The following PTPRR variants were observed in gnomAD, a reference collection of about 807,000 sequenced individuals.
The protein encoded by PTPRR is receptor-type tyrosine-protein phosphatase R.
In PTPRR, 38 loss-of-function variants were observed where a neutral mutation model predicts 77.2. That is an observed-to-expected ratio of 0.49 (90% confidence interval 0.38 to 0.65). The LOEUF (loss-of-function observed/expected upper bound fraction) is 0.65, where lower values mean the gene tolerates loss of function less well. Ranked by LOEUF, PTPRR falls within the 30% of genes least tolerant of loss-of-function variation. The pLI, the probability that PTPRR is intolerant of heterozygous loss-of-function variation, is 0.00. For synonymous variants in PTPRR, 299 were observed against 283.1 expected (o/e 1.06, Z -0.57); for missense variants, 744 against 799.2 (o/e 0.93, Z 0.83).
At position 70,801,138 on chromosome 12, in the gene PTPRR, C is replaced by T. The variant is rs139902660; in HGVS notation, c.358-36360G>A. Among the ~76,000 whole-genome samples the T allele has an allele frequency of 4.0e-3, 613 of 152,264 alleles. 5 individuals are homozygous for T. The highest frequency in any genetic ancestry group is 0.014 in the African/African-American group (589 of 41,554). On this transcript the variant is annotated intron_variant, in intron 2 of 13. Transcript: ENST00000283228. ...AAAGATTTAGGTTATGACCCTGAATCTTCCTCTAATTGTACAAACTAGGCA... is the reference window on the plus strand; with the variant it reads ...AAAGATTTAGGTTATGACCCTGAATTTTCCTCTAATTGTACAAACTAGGCA...
intron 2 of PTPRR, among the ~76,000 whole-genome samples, chr12:70,818,572 G>C (rs1891948289): frequency 6.6e-6 from 1 of 152,120 alleles, no homozygotes; most frequent in Non-Finnish European, 1.5e-5. Flanking sequence ...TGTAGAATGA[G>C]GCTAATATGA....
intron 8 of PTPRR, 65 bp from the exon 9 acceptor site, chr12:70,684,848 C>T: frequency 2.6e-6 from 3 of 1,137,172 alleles, no homozygotes; most frequent in Admixed American, 2.2e-5. Flanking sequence ...CCTTAGAATG[C>T]CAATAACCAG....
intron 2 of PTPRR, among the ~76,000 whole-genome samples, chr12:70,846,684 G>T (rs892798100): frequency 5.3e-5 from 8 of 152,142 alleles, no homozygotes; most frequent in Admixed American, 3.9e-4. Flanking sequence ...CACCATTGAG[G>T]ATGCAAAGGG....
intron 1 of PTPRR, among the ~76,000 whole-genome samples, chr12:70,912,671 G>C (rs1445621106): frequency 6.6e-6 from 1 of 152,004 alleles, no homozygotes; most frequent in Non-Finnish European, 1.5e-5. Context: ...TATGAGGAAA[G>C]TTTATGCAGT....
chr12:70,745,247 T>C lies in PTPRR; in HGVS notation c.1007+571A>G, dbSNP rs551447467. Among the ~76,000 whole-genome samples the C allele has an allele frequency of 5.9e-5, 9 of 152,274 alleles. No individual in the cohort carries two copies. The South Asian group carries it at 1.9e-3, about 32-fold the overall frequency. ...ACCTGGCTATTGGCCAGGCTGGTCT[T>C]GAACTCCTGGCCTCAAGTGATCCAC... On this transcript the variant is annotated intron_variant, in intron 6 of 13. Coordinates refer to ENST00000283228, the MANE Select transcript of PTPRR (RefSeq NM_002849.4).
At chr12:70,909,884 CT>C (rs1893676021) in intron 1 of PTPRR, among the ~76,000 whole-genome samples, 1 of 152,032 alleles carries the variant, frequency 6.6e-6, no homozygotes, top group Non-Finnish European at 1.5e-5. Flanking sequence ...GGTTTTTTTT[CT>C]CTTATATACT....
chr12:70,741,922 C>T (rs1469358448), intron 6 of PTPRR, among the ~76,000 whole-genome samples: 1 of 152,032 alleles, frequency 6.6e-6, no homozygotes, highest in Non-Finnish European at 1.5e-5. Context: ...TTTTCCTATG[C>T]CTCCATTTGG....
At chr12:70,820,153 G>A (rs1347844108) in intron 2 of PTPRR, among the ~76,000 whole-genome samples, 2 of 152,088 alleles carry the variant, frequency 1.3e-5, no homozygotes, top group Admixed American at 6.5e-5. Context: ...ACAAGGCTTG[G>A]CATTTATAAT....
At chr12:70,683,371 CAG>C (rs1033719028) in intron 10 of PTPRR, among the ~76,000 whole-genome samples, 1 of 152,074 alleles carries the variant, frequency 6.6e-6, no homozygotes, top group Non-Finnish European at 1.5e-5. Flanking sequence ...ATGCAAAATA[CAG>C]AATAAGTATT....
chr12:70,753,616 T>A (rs879270541), intron 5 of PTPRR, among the ~76,000 whole-genome samples: 6 of 152,154 alleles, frequency 3.9e-5, no homozygotes, highest in Non-Finnish European at 8.8e-5. Context: ...CATTATTACT[T>A]ACAGAGCTAT....
chr12:70,666,022 T>C (rs975690864), intron 10 of PTPRR, among the ~76,000 whole-genome samples: 1 of 152,176 alleles, frequency 6.6e-6, no homozygotes, highest in Non-Finnish European at 1.5e-5. Flanking sequence ...GGTGCTCCGA[T>C]GGAATATTAC....
chr12:70,825,755 G>A (rs1892097101), intron 2 of PTPRR, among the ~76,000 whole-genome samples: 2 of 152,168 alleles, frequency 1.3e-5, no homozygotes. Context: ...CAGGAAGTGT[G>A]TCTTTACCAT....
intron 6 of PTPRR, among the ~76,000 whole-genome samples, chr12:70,719,254 C>G (rs1434956584): frequency 6.6e-6 from 1 of 152,234 alleles, no homozygotes; most frequent in East Asian, 1.9e-4. Context: ...AGCTTTCCCT[C>G]TTCTAATCAT....
At chr12:70,673,106 C>A (rs1566059219) in intron 10 of PTPRR, 1 of 942,330 alleles carries the variant, frequency 1.1e-6, no homozygotes, top group East Asian at 5.8e-5. Context: ...ACAATGACAT[C>A]CTTGGTCTTG....
chr12:70,738,432 T>G (rs1277364795), intron 6 of PTPRR, among the ~76,000 whole-genome samples: 1 of 152,218 alleles, frequency 6.6e-6, no homozygotes, highest in East Asian at 1.9e-4. Context: ...AGTGCTATAT[T>G]ACAGTGTGCC....
At chr12:70,869,739 C>A (rs904456988) in intron 2 of PTPRR, among the ~76,000 whole-genome samples, 1 of 151,920 alleles carries the variant, frequency 6.6e-6, no homozygotes, top group Non-Finnish European at 1.5e-5. Flanking sequence ...GGACCATTAG[C>A]CAAGGAATGA....
chr12:70,673,004 C>G lies in PTPRR; in HGVS notation c.1498-10399G>C, dbSNP rs763777607. ...AGGTAGAAGGGAGAAGGATAGAGCT[C>G]TCTTCAATAAATACGTCGGGCCAAA... is the stretch of plus-strand genomic sequence containing the variant. On this transcript the variant is annotated intron_variant, in intron 10 of 13. Coordinates refer to ENST00000283228, the MANE Select transcript of PTPRR (RefSeq NM_002849.4). The G allele has an allele frequency of 2.0e-5, 23 of 1,157,500 alleles. No homozygotes were observed. In the South Asian group the frequency reaches 3.1e-4, roughly 16 times the overall value. 71.7% of individuals were successfully genotyped at this position (1,157,500 alleles called of 1,614,324 possible). A position where few individuals can be genotyped will look rare whatever the true frequency, so the allele number is the denominator to read the frequency against.
At chr12:70,651,852 C>T (rs558662810) in intron 13 of PTPRR, among the ~76,000 whole-genome samples, 1 of 151,720 alleles carries the variant, frequency 6.6e-6, no homozygotes, top group South Asian at 2.1e-4. Context: ...TCCCAAGCTA[C>T]TTGACTTTGG....
At chr12:70,860,843 G>C (rs1264562071) in intron 2 of PTPRR, among the ~76,000 whole-genome samples, 1 of 152,184 alleles carries the variant, frequency 6.6e-6, no homozygotes, top group South Asian at 2.1e-4. Flanking sequence ...GTGCTAGGCA[G>C]TATGAACAAC....
Sources: allele counts gnomAD v4.1 joint callset (sites outside exome capture counted in the v4.1 genomes callset), GRCh38; gene constraint gnomAD v4.1.1; transcripts MANE v1.5; gene names NCBI Gene and HGNC (gene_info 2026-07-23, HGNC 2026-07-21).